Variants in ADAMTS6 observed in about 807,000 individuals in gnomAD.
ADAMTS6 encodes the protein A disintegrin and metalloproteinase with thrombospondin motifs 6.
Under a neutral mutation model 144.3 loss-of-function variants are expected in ADAMTS6, and 23 were observed. The observed-to-expected ratio is 0.16, with a 90% CI of 0.11 to 0.23. ADAMTS6 has a LOEUF of 0.23. Among genes scored for constraint, ADAMTS6 ranks in the 10% least tolerant of loss-of-function variants. The pLI, the probability that ADAMTS6 is intolerant of heterozygous loss-of-function variation, is 1.00. For synonymous variants in ADAMTS6, 444 were observed against 457.5 expected, an observed-to-expected ratio of 0.97 and a Z score of 0.38; for missense variants, 999 against 1,379.6, an observed-to-expected ratio of 0.72 and a Z score of 4.37.
At chr5:65,462,590 T>C (rs1236187074) in intron 3 of ADAMTS6, among the ~76,000 whole-genome samples, 1 of 152,222 alleles carries the variant, frequency 6.6e-6, no homozygotes, top group Non-Finnish European at 1.5e-5. Flanking sequence ...TGATTGACTT[T>C]GGAGCCTGAA....
chr5:65,293,036 T>C (rs1227146728), intron 10 of ADAMTS6, among the ~76,000 whole-genome samples: 2 of 152,078 alleles, frequency 1.3e-5, no homozygotes, highest in Non-Finnish European at 2.9e-5. Flanking sequence ...CTTTAATTTA[T>C]AAGGATATGC....
Position 65,321,489 on chromosome 5 carries a change from T to A in ADAMTS6, c.1223+7889A>T, listed in dbSNP as rs559246778. On this transcript the variant is annotated intron_variant, in intron 9 of 24. Transcript: ENST00000381055. The stretch of plus-strand genomic sequence containing the variant: ...AAAAATTTTCTCCCATTCTGTACAC[T>A]GTCTGTTTGCTCTGTTGGTAGTTTC... 3.9e-5 allele frequency among the ~76,000 whole-genome samples: 6 copies of A among 152,278 alleles called. No homozygotes were observed. The East Asian group carries it at 1.2e-3, about 29-fold the overall frequency.
chr5:65,416,616 C>G (rs1188440751), intron 7 of ADAMTS6, among the ~76,000 whole-genome samples: 3 of 151,958 alleles, frequency 2.0e-5, no homozygotes, highest in African/African-American at 7.2e-5. Context: ...CAGCAGGCAC[C>G]TGTAATCTCA....
chr5:65,479,561 TC>T lies in ADAMTS6; in HGVS notation c.-280+1781del, dbSNP rs542053925. On this transcript the variant is annotated intron_variant, in intron 1 of 24. Transcript: ENST00000381055. Reference sequence around the variant, plus strand: ...AGAAGCAAGAGAGCTATCCACCTCTTCCCCTCTTTTTCTCCCCACTACCCCC... The same window carrying T: ...AGAAGCAAGAGAGCTATCCACCTCTTCCCTCTTTTTCTCCCCACTACCCCC... 1.0e-3 allele frequency among the ~76,000 whole-genome samples: 153 copies of T among 152,272 alleles called. 1 individual carries two copies. The highest frequency in any genetic ancestry group is 3.4e-3 in the African/African-American group (142 of 41,550).
In ADAMTS6 at chr5:65,470,811, T is replaced by C. The variant is rs766918016; in HGVS notation, c.429A>G (p.Thr143=). ...CACAGTTGCTTAAAGCCACTTTAGT[T>C]GTACTACGTTGATCTTGCAAATATC... The part of the protein sequence containing the change: ...YTGYLQDQRS[T]TKVALSNCVG... The change falls in exon 3 of 25, where the codon ACA becomes ACG. Residue 143 remains threonine (T), a synonymous_variant. Coordinates refer to ENST00000381055, the MANE Select transcript of ADAMTS6 (RefSeq NM_197941.4). 3 of 1,597,918 alleles carry C rather than the reference T, an allele frequency of 1.9e-6. No homozygotes were observed. The highest frequency in any genetic ancestry group is 1.2e-5 in the South Asian group (1 of 86,612).
In ADAMTS6 at chr5:65,305,153, T is replaced by G. The variant is rs553085356; in HGVS notation, c.1224-5022A>C. 2.0e-5 allele frequency among the ~76,000 whole-genome samples: 3 copies of G among 152,290 alleles called. No individual in the cohort carries two copies. In the South Asian group the frequency reaches 6.2e-4, roughly 32 times the overall value. ...AGATCAGAAAAATATTATGGACATA[T>G]AAATAGAGAAAGATAAAACAAGGGT... On this transcript the variant is annotated intron_variant, in intron 9 of 24. Transcript: ENST00000381055.
At chr5:65,202,445 G>T (rs1417640281) in intron 20 of ADAMTS6, among the ~76,000 whole-genome samples, 1 of 152,000 alleles carries the variant, frequency 6.6e-6, no homozygotes, top group Non-Finnish European at 1.5e-5. Context: ...AACTAATTTA[G>T]TTCCTACTAT....
intron 21 of ADAMTS6, among the ~76,000 whole-genome samples, chr5:65,195,856 A>G (rs901825142): frequency 1.3e-5 from 2 of 152,238 alleles, no homozygotes; most frequent in African/African-American, 4.8e-5. Flanking sequence ...TGAAATGCCA[A>G]TCACACATGT....
intron 3 of ADAMTS6, among the ~76,000 whole-genome samples, chr5:65,460,653 C>T (rs1328861156): frequency 1.3e-5 from 2 of 152,180 alleles, no homozygotes; most frequent in Non-Finnish European, 2.9e-5. Context: ...TTCAGTTCCA[C>T]ATTATGCACA....
intron 15 of ADAMTS6, among the ~76,000 whole-genome samples, chr5:65,234,738 C>G (rs1758539571): frequency 6.6e-6 from 1 of 152,104 alleles, no homozygotes; most frequent in Admixed American, 6.6e-5. Flanking sequence ...CCATATGATC[C>G]AGCAATCCCA....
At chr5:65,345,226 C>T (rs74610458) in intron 7 of ADAMTS6, among the ~76,000 whole-genome samples, 2 of 151,612 alleles carry the variant, frequency 1.3e-5, no homozygotes, top group Non-Finnish European at 3.0e-5. Context: ...AATCTAATAA[C>T]CTTCCAATTT....
intron 7 of ADAMTS6, among the ~76,000 whole-genome samples, chr5:65,353,940 T>C (rs1465345541): frequency 6.6e-6 from 1 of 151,962 alleles, no homozygotes; most frequent in Non-Finnish European, 1.5e-5. Flanking sequence ...GTTGCAGTAG[T>C]AATGACTGAC....
intron 7 of ADAMTS6, among the ~76,000 whole-genome samples, chr5:65,385,628 T>A (rs1752416768): frequency 6.6e-6 from 1 of 152,202 alleles, no homozygotes. Context: ...ATTATTTACA[T>A]TTTGAGCCAC....
intron 7 of ADAMTS6, among the ~76,000 whole-genome samples, chr5:65,384,175 C>A (rs1049479333): frequency 6.6e-6 from 1 of 152,218 alleles, no homozygotes; most frequent in Non-Finnish European, 1.5e-5. Flanking sequence ...CCTTATCAAA[C>A]GTTTGATGGG....
intron 12 of ADAMTS6, among the ~76,000 whole-genome samples, chr5:65,267,076 C>G (rs1219345362): frequency 2.0e-5 from 3 of 151,820 alleles, no homozygotes; most frequent in Non-Finnish European, 4.4e-5. Flanking sequence ...ATATATAAAT[C>G]TTATAACCAC....
At chr5:65,217,502 G>C (rs992716919) in intron 18 of ADAMTS6, among the ~76,000 whole-genome samples, 1 of 151,924 alleles carries the variant, frequency 6.6e-6, no homozygotes, top group East Asian at 1.9e-4. Flanking sequence ...AAGGAAGAAT[G>C]ACTAAAGGAA....
chr5:65,176,126 A>AG (rs758364831), intron 22 of ADAMTS6, among the ~76,000 whole-genome samples: 39,327 of 150,958 alleles, frequency 0.26, 5,335 homozygotes, highest in African/African-American at 0.31. Context: ...AGGGAAAAAA[A>AG]GGGGGGGGCA....
chr5:65,405,082 C>T (rs1317451959), intron 7 of ADAMTS6, among the ~76,000 whole-genome samples: 5 of 152,196 alleles, frequency 3.3e-5, no homozygotes, highest in African/African-American at 1.2e-4. Flanking sequence ...AAATTTTCTC[C>T]CATTCTGTAG....
intron 24 of ADAMTS6, among the ~76,000 whole-genome samples, chr5:65,166,895 A>C (rs1362075597): frequency 7.3e-6 from 1 of 137,010 alleles, no homozygotes; most frequent in Non-Finnish European, 1.6e-5. Flanking sequence ...GTGTAGAGGG[A>C]AATTTATAGC....
Sources: gnomAD v4.1 joint callset for allele counts (sites outside exome capture counted in the v4.1 genomes callset) on GRCh38, gnomAD v4.1.1 for gene constraint, MANE v1.5 for transcripts, NCBI Gene and HGNC (gene_info 2026-07-23, HGNC 2026-07-21) for gene names.